FAM222A: variants seen among roughly 807,000 people sequenced by gnomAD.
FAM222A encodes the protein family with sequence similarity 222 member A, also known as protein FAM222A.
FAM222A carries 7 observed loss-of-function variants against 25.8 expected under a neutral mutation model. The observed-to-expected ratio is 0.27, with a 90% CI of 0.15 to 0.51. The LOEUF is 0.51. FAM222A is among the 20% of genes least tolerant of loss of function. FAM222A has a pLI of 0.97. For synonymous variants in FAM222A, 294 were observed against 298.8 expected (o/e 0.98, Z 0.17); for missense variants, 573 against 640.5 (o/e 0.89, Z 1.14).
chr12:109,714,040 C>T lies in FAM222A; in HGVS notation c.-904C>T, dbSNP rs1339493528. ...CCCGCGCGCCGCCCGGGGCCATGGG[C>T]GCGTGAGAGCCCAGCGCGCGCGGCC... On this transcript the variant is annotated 5_prime_UTR_variant, in exon 1 of 3. Coordinates refer to ENST00000538780, the MANE Select transcript of FAM222A (RefSeq NM_032829.3). The surrounding 1 kb of genome is among the most constrained non-coding windows in gnomAD (Gnocchi z 4.2). Among the ~76,000 whole-genome samples, 1 of 149,486 alleles carries T rather than the reference C, an allele frequency of 6.7e-6. No individual in the cohort carries two copies. Among genetic ancestry groups the T allele is most frequent in the East Asian group, 2.0e-4 (1 of 5,090 alleles).
At position 109,738,830 on chromosome 12, in the gene FAM222A, A is replaced by G. The variant is rs533826647; in HGVS notation, c.-46-5271A>G. 2.6e-5 allele frequency among the ~76,000 whole-genome samples: 4 copies of G among 152,318 alleles called. No individual in the cohort carries two copies. In the South Asian group the frequency reaches 8.3e-4, roughly 32 times the overall value. ...CTTATGTCCAAGTTAGATGGCCCTC[A>G]TACTATCAGCTGGTCCACTCCCCAT... On this transcript the variant is annotated intron_variant, in intron 1 of 2. Transcript: ENST00000538780.
At chr12:109,730,444 G>A (rs1357874055) in intron 1 of FAM222A, among the ~76,000 whole-genome samples, 1 of 151,652 alleles carries the variant, frequency 6.6e-6, no homozygotes, top group Non-Finnish European at 1.5e-5. Flanking sequence ...CATTCATTTA[G>A]TGCCACAAGG....
chr12:109,740,789 GA>G (rs1343836671), intron 1 of FAM222A, among the ~76,000 whole-genome samples: 2 of 152,210 alleles, frequency 1.3e-5, no homozygotes, highest in Non-Finnish European at 2.9e-5. Flanking sequence ...CTACCCCTAA[GA>G]AACACAGTCC....
At position 109,763,892 on chromosome 12, in the gene FAM222A, A is replaced by C. The variant is rs544401601; in HGVS notation, c.83-4120A>C. Among the ~76,000 whole-genome samples, 13 of 152,148 alleles carry C rather than the reference A, an allele frequency of 8.5e-5. No individual in the cohort carries two copies. The South Asian group carries it at 2.7e-3, about 32-fold the overall frequency. ...AAAACAGGGACCATCTCCCACCTCT[A>C]GGTTGTTGGGGCCTCCAAACGAGAG... On this transcript the variant is annotated intron_variant, in intron 2 of 2. Transcript: ENST00000538780.
intron 2 of FAM222A, among the ~76,000 whole-genome samples, chr12:109,751,726 C>A (rs1169649733): frequency 6.6e-6 from 1 of 152,234 alleles, no homozygotes; most frequent in Non-Finnish European, 1.5e-5. Context: ...TGACAAACCC[C>A]TCCTTTCACT....
chr12:109,759,758 C>A (rs927887652), intron 2 of FAM222A, among the ~76,000 whole-genome samples: 1 of 152,198 alleles, frequency 6.6e-6, no homozygotes. Context: ...TGCTGCCTGG[C>A]GGCTGCCCCT....
At chr12:109,725,054 G>T (rs1592778529) in intron 1 of FAM222A, among the ~76,000 whole-genome samples, 1 of 152,108 alleles carries the variant, frequency 6.6e-6, no homozygotes, top group African/African-American at 2.4e-5. Flanking sequence ...CTCTCCCAAG[G>T]CCATATAGCT....
chr12:109,749,564 G>T (rs895637351), intron 2 of FAM222A, among the ~76,000 whole-genome samples: 2 of 152,094 alleles, frequency 1.3e-5, no homozygotes, highest in Non-Finnish European at 2.9e-5. Flanking sequence ...TTAAAAAGGT[G>T]TTCACTTTGT....
intron 1 of FAM222A, among the ~76,000 whole-genome samples, chr12:109,729,002 G>C (rs911971870): frequency 6.7e-6 from 1 of 149,444 alleles, no homozygotes; most frequent in Non-Finnish European, 1.5e-5. Context: ...CAGACAGCCA[G>C]GTACTGACAG....
chr12:109,768,049 C>T lies in FAM222A; in HGVS notation c.120C>T (p.Tyr40=). ...CCAGCGCCATGCATTCCTCCCGCTACCCGAGCCCAGCAGAACTGGACGCCT... is the reference window on the plus strand; with the variant it reads ...CCAGCGCCATGCATTCCTCCCGCTATCCGAGCCCAGCAGAACTGGACGCCT... ...AVASAMHSSR[Y]PSPAELDAYA... Residue 40 remains tyrosine, a synonymous_variant, in exon 3 of 3, where the codon TAC becomes TAT. Transcript: ENST00000538780. 1 of 1,613,832 alleles carries T rather than the reference C, an allele frequency of 6.2e-7. No homozygotes were observed. Among genetic ancestry groups the T allele is most frequent in the Non-Finnish European group, 8.5e-7 (1 of 1,180,026 alleles).
intron 1 of FAM222A, among the ~76,000 whole-genome samples, chr12:109,727,289 G>C (rs893282928): frequency 6.6e-6 from 1 of 152,092 alleles, no homozygotes; most frequent in African/African-American, 2.4e-5. Context: ...TGCTCAGAGC[G>C]GGAATAGAGG....
rs911851788 is a variant in FAM222A at position 109,768,913 on chromosome 12, C to T, written c.984C>T (p.Pro328=). 6.3e-7 allele frequency: 1 copy of T among 1,582,228 alleles called. No homozygotes were observed. Among genetic ancestry groups the T allele is most frequent in the Non-Finnish European group, 8.5e-7 (1 of 1,171,812 alleles). Residue 328 remains proline (P), a synonymous_variant, in exon 3 of 3, where the codon CCC becomes CCT. Coordinates refer to ENST00000538780, the MANE Select transcript of FAM222A (RefSeq NM_032829.3). Reference sequence around the variant, plus strand: ...CATACGAGCGGGCCAGCGGGTCACCCCTCAACTGTGGCGTGGGGCTGCCCA... The same window carrying T: ...CATACGAGCGGGCCAGCGGGTCACCTCTCAACTGTGGCGTGGGGCTGCCCA... The part of the protein sequence containing the change: ...GRAYERASGS[P]LNCGVGLPTS...
At chr12:109,751,605 CT>C (rs1888561288) in intron 2 of FAM222A, among the ~76,000 whole-genome samples, 1 of 152,170 alleles carries the variant, frequency 6.6e-6, no homozygotes, top group Non-Finnish European at 1.5e-5. Flanking sequence ...CCTATGTGTG[CT>C]TATTTATCCT....
chr12:109,737,180 C>A (rs1229192597), intron 1 of FAM222A, among the ~76,000 whole-genome samples: 1 of 152,042 alleles, frequency 6.6e-6, no homozygotes, highest in African/African-American at 2.4e-5. Context: ...TTTGAGCAGT[C>A]CTTCTGCTCA....
chr12:109,724,981 C>A (rs1251035972), intron 1 of FAM222A, among the ~76,000 whole-genome samples: 1 of 152,132 alleles, frequency 6.6e-6, no homozygotes, highest in African/African-American at 2.4e-5. Flanking sequence ...ACCGTGCAAT[C>A]TATGGGAATG....
At chr12:109,760,553 T>G (rs1306920497) in intron 2 of FAM222A, among the ~76,000 whole-genome samples, 1 of 152,218 alleles carries the variant, frequency 6.6e-6, no homozygotes, top group African/African-American at 2.4e-5. Context: ...TGGTTGGCCC[T>G]GCTGGGTATT....
At chr12:109,744,054 C>T in intron 1 of FAM222A, 47 bp from the exon 2 acceptor site, 1 of 1,511,072 alleles carries the variant, frequency 6.6e-7, no homozygotes, top group Non-Finnish European at 8.8e-7. Flanking sequence ...GGGAGGCGAA[C>T]ACGGAGCAGC....
intron 1 of FAM222A, among the ~76,000 whole-genome samples, chr12:109,723,415 C>T (rs1049039676): frequency 6.6e-6 from 1 of 152,232 alleles, no homozygotes; most frequent in African/African-American, 2.4e-5. Flanking sequence ...GAGGTTCTGG[C>T]ACCTCAGTCT....
At chr12:109,730,235 G>T (rs1407132249) in intron 1 of FAM222A, among the ~76,000 whole-genome samples, 2 of 152,174 alleles carry the variant, frequency 1.3e-5, no homozygotes. Flanking sequence ...GTGAATGTGG[G>T]TTCAAATCCC....
Sources: gnomAD v4.1 joint callset for allele counts (sites outside exome capture counted in the v4.1 genomes callset) on GRCh38, gnomAD v4.1.1 for gene constraint, Gnocchi (gnomAD v3.1) non-coding constraint, MANE v1.5 for transcripts, NCBI Gene and HGNC (gene_info 2026-07-23, HGNC 2026-07-21) for gene names.